Variants in ARMH3 observed in about 807,000 individuals in gnomAD.
ARMH3 encodes the protein armadillo like helical domain containing 3.
Under a neutral mutation model 99.1 loss-of-function variants are expected in ARMH3, and 60 were observed. The ratio of observed to expected loss-of-function variants is 0.61; its 90% CI spans 0.49 to 0.75. The LOEUF is 0.75. Among genes scored for constraint, ARMH3 ranks in the 30% least tolerant of loss-of-function variants. The pLI is 0.00. For missense variants in ARMH3, 679 were observed against 843.1 expected, an observed-to-expected ratio of 0.81 and a Z score of 2.41; for synonymous variants, 285 against 292.8, an observed-to-expected ratio of 0.97 and a Z score of 0.27.
chr10:101,963,942 T>C (rs1231416815), intron 20 of ARMH3, among the ~76,000 whole-genome samples: 1 of 149,294 alleles, frequency 6.7e-6, no homozygotes, highest in Non-Finnish European at 1.5e-5. Context: ...AGTGGTGTGA[T>C]CTCGGCTCAC....
chr10:101,941,504 G>A (rs1029091311), intron 22 of ARMH3, among the ~76,000 whole-genome samples: 1 of 152,196 alleles, frequency 6.6e-6, no homozygotes, highest in Non-Finnish European at 1.5e-5. Context: ...AAGAGCTGCA[G>A]CAGAAGCTCT....
At chr10:101,883,772 G>A (rs1485369189) in intron 24 of ARMH3, among the ~76,000 whole-genome samples, 1 of 152,052 alleles carries the variant, frequency 6.6e-6, no homozygotes, top group Non-Finnish European at 1.5e-5. Flanking sequence ...TGGGTGGATT[G>A]CCTGAGCCCA....
chr10:101,850,007 C>G (rs2066552064), intron 24 of ARMH3, 115 bp from the exon 25 acceptor site: 10 of 817,084 alleles, frequency 1.2e-5, no homozygotes. Context: ...CCCAAGAAAC[C>G]TTGCTTATTA....
chr10:102,019,107 G>A (rs1386830904), intron 8 of ARMH3, among the ~76,000 whole-genome samples: 1 of 151,950 alleles, frequency 6.6e-6, no homozygotes, highest in Non-Finnish European at 1.5e-5. Context: ...GGAGTGTAGT[G>A]GTGCGATCTC....
Position 101,847,588 on chromosome 10 carries a change from G to A in ARMH3, c.2010C>T (p.Asn670=), listed in dbSNP as rs755097539. ...CTTGGCTGAGTGTGTGGAAGGCCAG[G>A]TTTCTCCGGACGTTGGTGCTAATGG... The part of the protein sequence containing the change: ...VRSISTNVRR[N]LAFHTLSQEV... Residue 670 remains asparagine, a synonymous_variant, in exon 26 of 26, where the codon AAC becomes AAT. Coordinates refer to ENST00000370033, the MANE Select transcript of ARMH3 (RefSeq NM_024541.3). 1 of 1,614,194 alleles carries A rather than the reference G, an allele frequency of 6.2e-7. No homozygotes were observed. Among genetic ancestry groups the A allele is most frequent in the Non-Finnish European group, 8.5e-7 (1 of 1,180,028 alleles).
intron 23 of ARMH3, among the ~76,000 whole-genome samples, chr10:101,939,235 C>T (rs949073954): frequency 1.3e-5 from 2 of 152,122 alleles, no homozygotes; most frequent in Non-Finnish European, 2.9e-5. Context: ...AAGGGAGCAA[C>T]GAACAGAAGA....
chr10:102,021,888 C>CT (rs1402110174), intron 8 of ARMH3, among the ~76,000 whole-genome samples: 1 of 151,998 alleles, frequency 6.6e-6, no homozygotes, highest in African/African-American at 2.4e-5. Flanking sequence ...GACTGTCTTA[C>CT]TATTTGAGTA....
intron 24 of ARMH3, among the ~76,000 whole-genome samples, chr10:101,870,457 T>TG (rs2067107275): frequency 6.6e-6 from 1 of 152,226 alleles, no homozygotes; most frequent in Non-Finnish European, 1.5e-5. Context: ...ATCTATCCTA[T>TG]GGGTTATACA....
Position 102,033,278 on chromosome 10 carries a change from C to CT in ARMH3, c.159+4dup. 6.2e-7 allele frequency: 1 copy of CT among 1,614,128 alleles called. No individual in the cohort carries two copies. The highest frequency in any genetic ancestry group is 8.5e-7 in the Non-Finnish European group (1 of 1,180,016). ...GGAAATTCCACAGATGCCACCAACT[C>CT]TTACCTTCATGAGAAAGAGCTCCTC... On this transcript the variant is annotated splice_donor_region_variant and intron_variant, in intron 3 of 25. Transcript: ENST00000370033.
At chr10:101,917,235 CCT>C (rs1843125821) in intron 23 of ARMH3, among the ~76,000 whole-genome samples, 2 of 152,160 alleles carry the variant, frequency 1.3e-5, no homozygotes, top group African/African-American at 4.8e-5. Flanking sequence ...CAAAAGTTCC[CCT>C]GTGCCCATTT....
chr10:101,991,917 G>T, intron 18 of ARMH3, 52 bp downstream of exon 18: 1 of 1,491,398 alleles, frequency 6.7e-7, no homozygotes, highest in Non-Finnish European at 9.3e-7. Context: ...TCTTCATCAT[G>T]AAAGCCTATC....
chr10:102,021,959 G>T (rs754810131), intron 8 of ARMH3, among the ~76,000 whole-genome samples: 15 of 152,074 alleles, frequency 9.9e-5, no homozygotes, highest in Non-Finnish European at 1.9e-4. Flanking sequence ...CAAAGCACTA[G>T]GATTACAGGT....
In ARMH3 at chr10:102,053,270, CT is replaced by C. The variant is rs1245813493; in HGVS notation, c.-12+2814del. 2.1e-5 allele frequency among the ~76,000 whole-genome samples: 3 copies of C among 144,298 alleles called. No homozygotes were observed. The South Asian group carries it at 7.0e-4, about 34-fold the overall frequency. 94.7% of individuals were successfully genotyped at this position (144,298 alleles called of 152,430 possible). A position where few individuals can be genotyped will look rare whatever the true frequency, so the allele number is the denominator to read the frequency against. ...AAAAATTCCAATGACTCCCCACTTT[CT>C]TTTCAGTCTCACCTCCTAGCAGTTT... On this transcript the variant is annotated intron_variant, in intron 1 of 25. Transcript: ENST00000370033.
intron 1 of ARMH3, among the ~76,000 whole-genome samples, chr10:102,046,733 G>C (rs1453819838): frequency 6.6e-6 from 1 of 152,064 alleles, no homozygotes; most frequent in Non-Finnish European, 1.5e-5. Flanking sequence ...TGATATTAGA[G>C]TTCCTGTTCT....
At chr10:101,971,717 T>C (rs780024740) in intron 20 of ARMH3, among the ~76,000 whole-genome samples, 2 of 152,202 alleles carry the variant, frequency 1.3e-5, no homozygotes, top group African/African-American at 4.8e-5. Flanking sequence ...AAAATATATA[T>C]GTGCAAATGG....
chr10:101,998,843 C>T (rs1004153756), intron 15 of ARMH3, among the ~76,000 whole-genome samples: 1 of 152,196 alleles, frequency 6.6e-6, no homozygotes, highest in Admixed American at 6.5e-5. Context: ...AAACCACCTA[C>T]AAGGCATTAA....
chr10:102,011,974 T>C (rs892177511), intron 10 of ARMH3, among the ~76,000 whole-genome samples, 191 bp from the exon 11 acceptor site: 1 of 152,316 alleles, frequency 6.6e-6, no homozygotes, highest in Middle Eastern at 3.4e-3. Context: ...AGGTAGTGTG[T>C]ACCAAAATGC....
At chr10:102,000,508 C>T (rs2066329493) in intron 15 of ARMH3, among the ~76,000 whole-genome samples, 1 of 151,500 alleles carries the variant, frequency 6.6e-6, no homozygotes. Flanking sequence ...CCTGTAATCC[C>T]AGTACTTTGG....
intron 19 of ARMH3, among the ~76,000 whole-genome samples, chr10:101,983,863 C>G (rs2135965394): frequency 6.6e-6 from 1 of 152,294 alleles, no homozygotes; most frequent in African/African-American, 2.4e-5. Flanking sequence ...GCAAATTAAT[C>G]AAACCTAAGG....
Sources: gnomAD v4.1 joint callset for allele counts (sites outside exome capture counted in the v4.1 genomes callset) on GRCh38, gnomAD v4.1.1 for gene constraint, MANE v1.5 for transcripts, NCBI Gene and HGNC (gene_info 2026-07-23, HGNC 2026-07-21) for gene names.